Variants in HDX observed in about 807,000 individuals in gnomAD.
HDX encodes chromosome X open reading frame 43.
HDX carries 19 observed loss-of-function variants against 45.2 expected under a neutral mutation model. The observed-to-expected ratio is 0.42, with a 90% CI of 0.29 to 0.62. HDX has a LOEUF of 0.62. Ranked by LOEUF, HDX falls within the 20% of genes least tolerant of loss-of-function variation. HDX has a pLI of 0.20. For synonymous variants in HDX, 188 were observed against 172.8 expected (o/e 1.09, Z -0.69); for missense variants, 532 against 493.9 (o/e 1.08, Z -0.73).
intron 5 of HDX, among the ~76,000 whole-genome samples, chrX:84,367,690 T>C (rs2037792826): frequency 8.9e-6 from 1 of 112,122 alleles, no homozygotes; most frequent in Admixed American, 9.4e-5. Flanking sequence ...GATGAGTTCA[T>C]GTCCTTTGCA....
chrX:84,333,235 T>A (rs2036882633), intron 9 of HDX, among the ~76,000 whole-genome samples: 1 of 111,308 alleles, frequency 9.0e-6, no homozygotes, highest in Non-Finnish European at 1.9e-5. Context: ...TAGCACCCTG[T>A]CAAAGGCAGC....
At chrX:84,394,256 A>G (rs915139341) in intron 5 of HDX, among the ~76,000 whole-genome samples, 7 of 111,713 alleles carry the variant, frequency 6.3e-5, no homozygotes, top group African/African-American at 2.3e-4. Context: ...TATTGATCCA[A>G]TAGTCCAAAT....
chrX:84,321,831 G>A lies in HDX; in HGVS notation c.*58C>T. 9.8e-7 allele frequency: 1 copy of A among 1,022,953 alleles called. No homozygotes were observed. Among genetic ancestry groups the A allele is most frequent in the Non-Finnish European group, 1.3e-6 (1 of 761,579 alleles). 84.3% of individuals were successfully genotyped at this position (1,022,953 alleles called of 1,213,427 possible). Reference sequence around the variant, plus strand: ...CAGGGCAACAGAATGCAGTTATCTTGAAATGCACACCTGTTACGAAGCCAA... The same window carrying A: ...CAGGGCAACAGAATGCAGTTATCTTAAAATGCACACCTGTTACGAAGCCAA... On this transcript the variant is annotated 3_prime_UTR_variant, in exon 11 of 11. Coordinates refer to ENST00000373177, the MANE Select transcript of HDX (RefSeq NM_001177479.2).
chrX:84,391,748 T>C (rs751231537), intron 5 of HDX, among the ~76,000 whole-genome samples: 5 of 111,923 alleles, frequency 4.5e-5, no homozygotes, highest in Non-Finnish European at 9.4e-5. Context: ...TATGTCTTTT[T>C]TGAGAAATGC....
chrX:84,437,295 C>T (rs2039658269), intron 5 of HDX, among the ~76,000 whole-genome samples: 1 of 110,364 alleles, frequency 9.1e-6, no homozygotes, highest in Admixed American at 9.7e-5. Flanking sequence ...TTGGTCACTA[C>T]CTTAGGAGAC....
intron 2 of HDX, among the ~76,000 whole-genome samples, chrX:84,487,683 C>T (rs1001408640): frequency 2.7e-5 from 3 of 111,832 alleles, no homozygotes; most frequent in African/African-American, 9.8e-5. Context: ...TAAAAGATCC[C>T]CTTCCTCAAC....
At chrX:84,339,795 G>GA (rs1288046924) in intron 7 of HDX, among the ~76,000 whole-genome samples, 1 of 111,236 alleles carries the variant, frequency 9.0e-6, no homozygotes. Flanking sequence ...AGATACAGCT[G>GA]AAAAAAGAGG....
rs186212228 is a variant in HDX at position 84,342,988 on chromosome X, C to A, written c.1660+1262G>T. 4.5e-5 allele frequency among the ~76,000 whole-genome samples: 5 copies of A among 111,422 alleles called. No homozygotes were observed. The East Asian group carries it at 1.4e-3, about 32-fold the overall frequency. On this transcript the variant is annotated intron_variant, in intron 7 of 10. Transcript: ENST00000373177. ...AAAAGCAAAATGAGAAAAGGCATGACCCTCTTTGTTTCTTAATCACAGATA... is the reference window on the plus strand; with the variant it reads ...AAAAGCAAAATGAGAAAAGGCATGAACCTCTTTGTTTCTTAATCACAGATA...
intron 5 of HDX, among the ~76,000 whole-genome samples, chrX:84,402,204 G>A (rs1481711971): frequency 3.6e-5 from 4 of 111,526 alleles, no homozygotes; most frequent in African/African-American, 1.3e-4. Flanking sequence ...GGAACTTAAA[G>A]TAAAATAAAA....
At position 84,365,927 on chromosome X, in the gene HDX, G is replaced by A. The variant is rs766779376; in HGVS notation, c.1306-4315C>T. ...CATTCCCTTTGAAAACTGGCACAAA[G>A]CAAGGATGCCCTCTCTCACCACTCC... On this transcript the variant is annotated intron_variant, in intron 5 of 10. Transcript: ENST00000373177. Among the ~76,000 whole-genome samples the A allele has an allele frequency of 2.5e-3, 284 of 111,922 alleles. 2 individuals carry two copies. The highest frequency in any genetic ancestry group is 8.9e-3 in the African/African-American group (275 of 30,842).
At chrX:84,442,138 C>T (rs2039773519) in intron 4 of HDX, among the ~76,000 whole-genome samples, 1 of 111,269 alleles carries the variant, frequency 9.0e-6, no homozygotes, top group East Asian at 2.8e-4. Flanking sequence ...CTTGCTCTTT[C>T]CTTCCCTTCC....
chrX:84,366,104 C>G (rs1230367877), intron 5 of HDX, among the ~76,000 whole-genome samples: 1 of 111,801 alleles, frequency 8.9e-6, no homozygotes, highest in Non-Finnish European at 1.9e-5. Context: ...AGCCCAAAAT[C>G]TCCTTAAGCT....
intron 4 of HDX, among the ~76,000 whole-genome samples, chrX:84,448,355 C>G (rs185351678): frequency 9.0e-6 from 1 of 111,190 alleles, no homozygotes; most frequent in Non-Finnish European, 1.9e-5. Flanking sequence ...CCAAGAATCA[C>G]CACAACTGTA....
chrX:84,461,531 A>G (rs939552508), intron 4 of HDX, among the ~76,000 whole-genome samples: 8 of 111,251 alleles, frequency 7.2e-5, no homozygotes, highest in African/African-American at 2.6e-4. Flanking sequence ...AAGTATTAAA[A>G]ACAAATCTAA....
intron 4 of HDX, among the ~76,000 whole-genome samples, chrX:84,452,623 T>C (rs891156989): frequency 2.7e-5 from 3 of 109,178 alleles, no homozygotes; most frequent in Admixed American, 9.8e-5. Context: ...TACTGGTATA[T>C]AAACAGACAT....
chrX:84,396,073 G>A (rs986213444), intron 5 of HDX, among the ~76,000 whole-genome samples: 2 of 111,388 alleles, frequency 1.8e-5, no homozygotes, highest in Non-Finnish European at 1.9e-5. Flanking sequence ...TTTTGATTTG[G>A]ATCTATTTCT....
intron 10 of HDX, among the ~76,000 whole-genome samples, chrX:84,324,090 G>T (rs1374178968): frequency 9.0e-6 from 1 of 111,662 alleles, no homozygotes; most frequent in Non-Finnish European, 1.9e-5. Context: ...ATATTACTTT[G>T]ATTTTAAAGT....
Position 84,343,459 on chromosome X carries a change from A to G in HDX, c.1660+791T>C, listed in dbSNP as rs180946591. ...CAACAAAACAAACAAGCAAACAAAA[A>G]ACACTTTTTGTAGAGATGAGGTCTC... On this transcript the variant is annotated intron_variant, in intron 7 of 10. Transcript: ENST00000373177. 2.4e-3 allele frequency among the ~76,000 whole-genome samples: 265 copies of G among 110,174 alleles called. 1 individual carries two copies. The highest frequency in any genetic ancestry group is 2.7e-3 in the Admixed American group (28 of 10,291).
At chrX:84,456,093 G>A (rs2040106979) in intron 4 of HDX, among the ~76,000 whole-genome samples, 1 of 111,600 alleles carries the variant, frequency 9.0e-6, no homozygotes, top group South Asian at 3.7e-4. Flanking sequence ...GAATCTGAAA[G>A]AAAAAGATTT....
Sources: allele counts gnomAD v4.1 joint callset (sites outside exome capture counted in the v4.1 genomes callset), GRCh38; gene constraint gnomAD v4.1.1; transcripts MANE v1.5; gene names NCBI Gene and HGNC (gene_info 2026-07-23, HGNC 2026-07-21).